The following TBCK variants were observed in gnomAD, a reference collection of about 807,000 sequenced individuals.
TBCK encodes the protein TBC1 domain containing kinase, also known as TBC domain-containing protein kinase-like protein.
TBCK carries 99 observed loss-of-function variants against 113.4 expected under a neutral mutation model. The observed-to-expected ratio is 0.87, with a 90% CI of 0.74 to 1.03. TBCK has a LOEUF of 1.03. Among genes scored for constraint, TBCK ranks in the 50% least tolerant of loss-of-function variants. The pLI is 0.00. For synonymous variants in TBCK, 369 were observed against 370.8 expected, an observed-to-expected ratio of 1.00 and a Z score of 0.05; for missense variants, 1,045 against 1,061.3, an observed-to-expected ratio of 0.98 and a Z score of 0.21.
intron 24 of TBCK, among the ~76,000 whole-genome samples, chr4:106,107,398 C>A (rs1032476846): frequency 6.6e-6 from 1 of 152,122 alleles, no homozygotes; most frequent in Non-Finnish European, 1.5e-5. Flanking sequence ...TAAAACAATC[C>A]TCAATAAATG....
chr4:106,204,303 A>G (rs72891648), intron 20 of TBCK, among the ~76,000 whole-genome samples: 6,878 of 152,302 alleles, frequency 0.045, 516 homozygotes, highest in African/African-American at 0.15. Flanking sequence ...AGAACCCTGG[A>G]CCATTTGGCA....
At chr4:106,050,365 C>G (rs1446926078) in intron 25 of TBCK, among the ~76,000 whole-genome samples, 1 of 151,968 alleles carries the variant, frequency 6.6e-6, no homozygotes, top group East Asian at 1.9e-4. Context: ...ATACAGAACA[C>G]TAATACCCAA....
At chr4:106,061,599 T>C (rs1055966156) in intron 25 of TBCK, among the ~76,000 whole-genome samples, 5 of 151,612 alleles carry the variant, frequency 3.3e-5, no homozygotes, top group African/African-American at 1.2e-4. Flanking sequence ...TTTATTGCCA[T>C]ATTTGCCTCA....
At chr4:106,063,214 A>G (rs1413569996) in intron 25 of TBCK, among the ~76,000 whole-genome samples, 1 of 152,022 alleles carries the variant, frequency 6.6e-6, no homozygotes, top group Non-Finnish European at 1.5e-5. Flanking sequence ...AAATGTCAGG[A>G]AGAAAGCCAA....
chr4:106,273,703 C>G (rs1319984223), intron 3 of TBCK, among the ~76,000 whole-genome samples: 2 of 152,120 alleles, frequency 1.3e-5, no homozygotes, highest in Non-Finnish European at 2.9e-5. Flanking sequence ...AGTGATGTGG[C>G]CACAAGCCAA....
chr4:106,312,659 G>A (rs1768328095), intron 1 of TBCK, among the ~76,000 whole-genome samples: 1 of 151,964 alleles, frequency 6.6e-6, no homozygotes, highest in African/African-American at 2.4e-5. Context: ...ATGTTCATAG[G>A]AACTGTACTC....
intron 3 of TBCK, among the ~76,000 whole-genome samples, chr4:106,289,289 T>C (rs1765428804): frequency 1.3e-5 from 2 of 152,204 alleles, no homozygotes; most frequent in Admixed American, 6.5e-5. Flanking sequence ...GGAGGCCTTA[T>C]AACTAGGACT....
intron 20 of TBCK, among the ~76,000 whole-genome samples, chr4:106,197,411 G>GTGTGTGTGTATATA (rs35695611): frequency 2.5e-5 from 3 of 122,446 alleles, no homozygotes; most frequent in African/African-American, 9.3e-5. Flanking sequence ...GTGTGTGTGT[G>GTGTGTGTGTATATA]TATATATATA....
intron 7 of TBCK, among the ~76,000 whole-genome samples, chr4:106,249,293 A>G (rs1761177736): frequency 6.6e-6 from 1 of 152,182 alleles, no homozygotes; most frequent in African/African-American, 2.4e-5. Flanking sequence ...ACATGCAGAC[A>G]CACATAGCTG....
intron 23 of TBCK, among the ~76,000 whole-genome samples, chr4:106,147,584 T>G (rs1342639455): frequency 6.6e-6 from 1 of 152,162 alleles, no homozygotes; most frequent in Non-Finnish European, 1.5e-5. Context: ...TTGTGAAGAT[T>G]TCATGGACAC....
chr4:106,111,795 G>A (rs544696505), intron 24 of TBCK, among the ~76,000 whole-genome samples: 2 of 152,166 alleles, frequency 1.3e-5, no homozygotes, highest in Non-Finnish European at 2.9e-5. Context: ...GACCTCAAAA[G>A]GTTAAATTAA....
chr4:106,301,083 A>G (rs1486913548), intron 2 of TBCK, among the ~76,000 whole-genome samples: 1 of 152,044 alleles, frequency 6.6e-6, no homozygotes, highest in Non-Finnish European at 1.5e-5. Flanking sequence ...TGGATTTCAA[A>G]CTTGCCTAGC....
At chr4:106,151,829 T>C (rs1014082919) in intron 23 of TBCK, among the ~76,000 whole-genome samples, 2 of 152,042 alleles carry the variant, frequency 1.3e-5, no homozygotes, top group Non-Finnish European at 2.9e-5. Flanking sequence ...CCTAAGTATT[T>C]TGTTTTATTT....
At chr4:106,281,489 T>C (rs1408157193) in intron 3 of TBCK, among the ~76,000 whole-genome samples, 1 of 152,170 alleles carries the variant, frequency 6.6e-6, no homozygotes, top group Admixed American at 6.6e-5. Context: ...ATCCTTGCCA[T>C]GTTCCAGATC....
intron 23 of TBCK, among the ~76,000 whole-genome samples, chr4:106,126,107 G>T (rs915686498): frequency 2.0e-5 from 3 of 152,002 alleles, no homozygotes; most frequent in Non-Finnish European, 4.4e-5. Flanking sequence ...TTGTTCCTTC[G>T]CTTAGAAAGC....
chr4:106,121,920 C>T (rs1221256585), intron 23 of TBCK, among the ~76,000 whole-genome samples: 1 of 151,956 alleles, frequency 6.6e-6, no homozygotes, highest in Non-Finnish European at 1.5e-5. Flanking sequence ...CAAGAGAAAG[C>T]AGGAAAGATC....
Position 106,215,505 on chromosome 4 carries a change from A to G in TBCK, c.1775-2670T>C, listed in dbSNP as rs368637099. Among the ~76,000 whole-genome samples, 26 of 152,318 alleles carry G rather than the reference A, an allele frequency of 1.7e-4. No homozygotes were observed. In the East Asian group the frequency reaches 4.8e-3, roughly 28 times the overall value. On this transcript the variant is annotated intron_variant, in intron 19 of 25. Transcript: ENST00000394708. Reference sequence around the variant, plus strand: ...GCAGAGACACACATAGGCTAAAAATAAAAGGATGGAGGAAGATCTACCAAG... The same window carrying G: ...GCAGAGACACACATAGGCTAAAAATGAAAGGATGGAGGAAGATCTACCAAG...
rs184873294 is a variant in TBCK, at chr4:106,217,772, T to C, written c.1775-4937A>G. 3.4e-3 allele frequency among the ~76,000 whole-genome samples: 519 copies of C among 150,872 alleles called. 2 individuals carry two copies. The highest frequency in any genetic ancestry group is 0.011 in the African/African-American group (451 of 41,498). ...TGCTCATGGGTAGGAAGAATCAATA[T>C]TGTGAAAATGGCCATACTGCCCAAG... On this transcript the variant is annotated intron_variant, in intron 19 of 25. Coordinates refer to ENST00000394708, the MANE Select transcript of TBCK (RefSeq NM_001163435.3).
At chr4:106,168,861 T>C (rs1750682639) in intron 23 of TBCK, among the ~76,000 whole-genome samples, 2 of 151,886 alleles carry the variant, frequency 1.3e-5, no homozygotes, top group African/African-American at 2.4e-5. Context: ...AAATATTCCA[T>C]TTCCTGGATA....
Sources: gnomAD v4.1 joint callset for allele counts (sites outside exome capture counted in the v4.1 genomes callset) on GRCh38, gnomAD v4.1.1 for gene constraint, MANE v1.5 for transcripts, NCBI Gene and HGNC (gene_info 2026-07-23, HGNC 2026-07-21) for gene names.